Variants in CDH13 observed in about 807,000 individuals in gnomAD.
The protein encoded by CDH13 is cadherin-13.
Under a neutral mutation model 63.8 loss-of-function variants are expected in CDH13, and 24 were observed. The observed-to-expected ratio is 0.38, with a 90% confidence interval of 0.27 to 0.53. The LOEUF (loss-of-function observed/expected upper bound fraction) is 0.53, where lower values mean the gene tolerates loss of function less well. CDH13 is among the 20% of genes least tolerant of loss of function. The probability of loss-of-function intolerance (pLI) is 0.85; values close to 1 mark genes in which losing one functional copy is unlikely to be tolerated. For synonymous variants in CDH13, 503 were observed against 355.3 expected (o/e 1.42, Z -4.67); for missense variants, 1,049 against 903.1 (o/e 1.16, Z -2.07).
At chr16:82,761,000 T>A (rs1213096016) in intron 1 of CDH13, among the ~76,000 whole-genome samples, 2 of 146,142 alleles carry the variant, frequency 1.4e-5, no homozygotes, top group African/African-American at 5.0e-5. Context: ...AACTCTGGGG[T>A]TCACATTTCT....
chr16:83,433,645 C>A (rs1291333999), intron 6 of CDH13, among the ~76,000 whole-genome samples: 5 of 152,164 alleles, frequency 3.3e-5, no homozygotes. Flanking sequence ...AGATTCATTA[C>A]CCCAGCAGGA....
chr16:82,926,085 A>G (rs1009863921), intron 2 of CDH13: 17 of 152,212 alleles, frequency 1.1e-4, no homozygotes, highest in African/African-American at 3.9e-4. Flanking sequence ...GTGCAGCTTT[A>G]TCTTGCATAA....
intron 2 of CDH13, among the ~76,000 whole-genome samples, chr16:82,917,283 A>T (rs1010822914): frequency 1.3e-5 from 2 of 152,232 alleles, no homozygotes; most frequent in African/African-American, 4.8e-5. Context: ...GGTGGGTCCA[A>T]TGGAAGAACG....
chr16:83,275,299 C>G (rs1186715686), intron 5 of CDH13, among the ~76,000 whole-genome samples: 1 of 152,140 alleles, frequency 6.6e-6, no homozygotes, highest in Non-Finnish European at 1.5e-5. Flanking sequence ...TTAGATGACA[C>G]TTGAGAAATT....
chr16:82,740,669 G>C (rs560178889), intron 1 of CDH13, among the ~76,000 whole-genome samples: 1 of 152,058 alleles, frequency 6.6e-6, no homozygotes, highest in African/African-American at 2.4e-5. Flanking sequence ...GTGCTCCTTC[G>C]GAAACATTCT....
chr16:83,251,822 G>T (rs73593952), intron 5 of CDH13, among the ~76,000 whole-genome samples: 14,244 of 152,042 alleles, frequency 0.094, 825 homozygotes, highest in East Asian at 0.22. Context: ...AAAGTCACCT[G>T]GCAGAGGTAG....
chr16:83,173,006 G>A (rs1393939112), intron 4 of CDH13, among the ~76,000 whole-genome samples: 1 of 152,100 alleles, frequency 6.6e-6, no homozygotes, highest in Non-Finnish European at 1.5e-5. Context: ...TGCATGCGTT[G>A]TTTTGCTTGG....
At chr16:83,367,064 A>G (rs2091271460) in intron 6 of CDH13, among the ~76,000 whole-genome samples, 1 of 152,198 alleles carries the variant, frequency 6.6e-6, no homozygotes, top group South Asian at 2.1e-4. Context: ...CGCCACAATC[A>G]ATTTTAGAAC....
At chr16:83,607,576 A>G (rs1163423478) in intron 8 of CDH13, among the ~76,000 whole-genome samples, 2 of 152,202 alleles carry the variant, frequency 1.3e-5, no homozygotes, top group Non-Finnish European at 2.9e-5. Context: ...ACGCTTCCTG[A>G]AGATAATTTT....
At chr16:82,699,990 A>C (rs1374961315) in intron 1 of CDH13, among the ~76,000 whole-genome samples, 1 of 152,258 alleles carries the variant, frequency 6.6e-6, no homozygotes, top group African/African-American at 2.4e-5. Flanking sequence ...TTGTTGATTT[A>C]TCCCAACTTG....
chr16:82,692,052 G>A (rs1333073652), intron 1 of CDH13, among the ~76,000 whole-genome samples: 1 of 152,144 alleles, frequency 6.6e-6, no homozygotes, highest in African/African-American at 2.4e-5. Context: ...CACTTTTAGG[G>A]GATATGGCTG....
chr16:83,175,137 C>T (rs918011582), intron 4 of CDH13, among the ~76,000 whole-genome samples: 12 of 151,924 alleles, frequency 7.9e-5, no homozygotes, highest in African/African-American at 2.7e-4. Context: ...GAAACGTTTC[C>T]ATCATCATAG....
At chr16:83,062,287 T>C (rs1445764204) in intron 3 of CDH13, among the ~76,000 whole-genome samples, 1 of 152,236 alleles carries the variant, frequency 6.6e-6, no homozygotes, top group Non-Finnish European at 1.5e-5. Flanking sequence ...TGTGTGTGTT[T>C]TCCATTCATA....
chr16:83,480,759 G>A (rs984625699), intron 6 of CDH13, among the ~76,000 whole-genome samples: 2 of 152,150 alleles, frequency 1.3e-5, no homozygotes, highest in Non-Finnish European at 2.9e-5. Context: ...TTTGGAACCA[G>A]GAGGCCCCAA....
At position 82,712,183 on chromosome 16, in the gene CDH13, G is replaced by A. The variant is rs115747290; in HGVS notation, c.45+85046G>A. Among the ~76,000 whole-genome samples the A allele has an allele frequency of 5.2e-3, 795 of 152,036 alleles. 7 individuals carry two copies. Among genetic ancestry groups the A allele is most frequent in the African/African-American group, 0.018 (762 of 41,458 alleles). On this transcript the variant is annotated intron_variant, in intron 1 of 13. Coordinates refer to ENST00000567109, the MANE Select transcript of CDH13 (RefSeq NM_001257.5). The stretch of plus-strand genomic sequence containing the variant: ...TCTACAGACTTAACGCCATTATCTC[G>A]CATGACCTTGATGAAGATAGTAACC...
intron 7 of CDH13, among the ~76,000 whole-genome samples, chr16:83,571,405 A>G (rs905701346): frequency 2.0e-5 from 3 of 152,180 alleles, no homozygotes; most frequent in African/African-American, 7.2e-5. Context: ...TTACTTCTTT[A>G]AAAGAAAAAA....
At chr16:83,221,961 G>T (rs539404437) in intron 5 of CDH13, among the ~76,000 whole-genome samples, 3 of 152,274 alleles carry the variant, frequency 2.0e-5, no homozygotes, top group African/African-American at 7.2e-5. Context: ...TTAGATGAGG[G>T]CTAAACAGGT....
At chr16:83,234,824 T>G (rs2040098687) in intron 5 of CDH13, among the ~76,000 whole-genome samples, 1 of 152,196 alleles carries the variant, frequency 6.6e-6, no homozygotes, top group Non-Finnish European at 1.5e-5. Context: ...GGTTACATGG[T>G]AGCTGATAGT....
intron 10 of CDH13, among the ~76,000 whole-genome samples, chr16:83,685,612 T>C (rs1904300368): frequency 6.6e-6 from 1 of 152,198 alleles, no homozygotes; most frequent in Admixed American, 6.5e-5. Context: ...GAGCAAGAAC[T>C]TTTGCTGCAA....
Sources: gnomAD v4.1 joint callset for allele counts (sites outside exome capture counted in the v4.1 genomes callset) on GRCh38, gnomAD v4.1.1 for gene constraint, MANE v1.5 for transcripts, NCBI Gene and HGNC (gene_info 2026-07-23, HGNC 2026-07-21) for gene names.